Variants in KRT74 observed in about 807,000 individuals in gnomAD.
KRT74 encodes keratin, type II cytoskeletal 74.
In KRT74, 43 loss-of-function variants were observed where a neutral mutation model predicts 42.7. The observed-to-expected ratio is 1.01, with a 90% CI of 0.79 to 1.30. The LOEUF (loss-of-function observed/expected upper bound fraction) is 1.30. Ranked by LOEUF, KRT74 falls within the 50% of genes most tolerant of loss-of-function variation. KRT74 has a pLI of 0.00. For synonymous variants in KRT74, 302 were observed against 279.0 expected (o/e 1.08, Z -0.82); for missense variants, 736 against 689.1 (o/e 1.07, Z -0.76).
chr12:52,571,997 C>A lies in KRT74; in HGVS notation c.694G>T (p.Val232Leu). Residue 232 changes from valine to leucine, a missense_variant, in exon 3 of 9, where the codon GTG (valine) becomes TTG (leucine). Val to Leu is a conservative substitution (Grantham distance 32). Transcript: ENST00000305620. ...GCTGTCGTGCGCCGGTTAATCTCCA[C>A]TTCATATCTGCCAGCAGGGAGAGTA... ...LVEDYKKRYE[V>L]EINRRTTAEN... 1.3e-6 allele frequency: 2 copies of A among 1,598,216 alleles called. No homozygotes were observed. Among genetic ancestry groups the A allele is most frequent in the Non-Finnish European group, 1.7e-6 (2 of 1,165,796 alleles).
rs1445456523 is a variant in KRT74, at chr12:52,568,130, C to T, written c.1355+39G>A. 4 of 1,611,478 alleles carry T rather than the reference C, an allele frequency of 2.5e-6. No individual in the cohort carries two copies. The African/African-American group carries it at 4.0e-5, about 16-fold the overall frequency. On this transcript the variant is annotated intron_variant, in intron 7 of 8. Coordinates refer to ENST00000305620, the MANE Select transcript of KRT74 (RefSeq NM_175053.4). ...CCCCTCAGCCAGACAGGAGCCACAC[C>T]CCAGTCCCTTCTCACACTTTCCCCT...
intron 2 of KRT74, 40 bp downstream of exon 2, chr12:52,572,413 G>A (rs761245590): frequency 2.2e-5 from 35 of 1,606,978 alleles, no homozygotes; most frequent in African/African-American, 2.7e-5. Flanking sequence ...CCAGAGGCAC[G>A]GGAAACATGG....
Position 52,568,306 on chromosome 12 carries a change from C to T in KRT74, c.1218G>A (p.Glu406=). The T allele has an allele frequency of 1.2e-6, 2 of 1,614,262 alleles. No homozygotes were observed. Among genetic ancestry groups the T allele is most frequent in the Non-Finnish European group, 1.7e-6 (2 of 1,180,058 alleles). Reference sequence around the variant, plus strand: ...TGGCCTGGTGCAGGGCGCCCTCCAGCTCATCCAGCTTGGCCTGGGCATCCT... The same window carrying T: ...TGGCCTGGTGCAGGGCGCCCTCCAGTTCATCCAGCTTGGCCTGGGCATCCT... ...ALKDAQAKLD[E]LEGALHQAKE... The change falls in exon 7 of 9, where the codon GAG becomes GAA. Residue 406 remains glutamate (E), a synonymous_variant. Coordinates refer to ENST00000305620, the MANE Select transcript of KRT74 (RefSeq NM_175053.4).
rs1186870100 is a variant in KRT74, at chr12:52,572,607, G to A, written c.532C>T (p.Leu178=). The change falls in exon 2 of 9, where the codon CTG becomes TTG. Residue 178 remains leucine, a synonymous_variant. Coordinates refer to ENST00000305620, the MANE Select transcript of KRT74 (RefSeq NM_175053.4). The part of the protein sequence containing the change: ...LETKWELLQQ[L]DLNNCKKNLE... ...TTCTTCTTGCAGTTGTTCAGGTCCA[G>A]CTGCTGCAGCAGCTCCCACTTGGTT... 1 of 1,613,972 alleles carries A rather than the reference G, an allele frequency of 6.2e-7. No homozygotes were observed. Among genetic ancestry groups the A allele is most frequent in the African/African-American group, 1.3e-5 (1 of 74,946 alleles).
intron 8 of KRT74, 103 bp downstream of exon 8, chr12:52,567,556 T>C (rs769999536): frequency 5.6e-6 from 5 of 897,984 alleles, no homozygotes; most frequent in Non-Finnish European, 9.5e-6. Flanking sequence ...CCCAAGACAG[T>C]AACAGAAGCT....
chr12:52,572,771 T>C, intron 1 of KRT74, 104 bp from the exon 2 acceptor site: 1 of 1,054,336 alleles, frequency 9.5e-7, no homozygotes, highest in Non-Finnish European at 1.4e-6. Flanking sequence ...GTTGTAGTCA[T>C]TTTTGCTCAT....
At position 52,566,892 on chromosome 12, in the gene KRT74, C is replaced by A; in HGVS notation, c.*77G>T. ...AGTTTTAAAACTCAGGGCCTGGGAACTTGGGTGTGGCAGACACCTTTGGGG... is the reference window on the plus strand; with the variant it reads ...AGTTTTAAAACTCAGGGCCTGGGAAATTGGGTGTGGCAGACACCTTTGGGG... On this transcript the variant is annotated 3_prime_UTR_variant, in exon 9 of 9. Coordinates refer to ENST00000305620, the MANE Select transcript of KRT74 (RefSeq NM_175053.4). 2 of 1,279,222 alleles carry A rather than the reference C, an allele frequency of 1.6e-6. No individual in the cohort carries two copies. The highest frequency in any genetic ancestry group is 2.2e-6 in the Non-Finnish European group (2 of 907,764). The allele number at this position is 1,279,222 out of a possible 1,614,324, so 79.2% of individuals were successfully genotyped here. A position where few individuals can be genotyped will look rare whatever the true frequency, so the allele number is the denominator to read the frequency against.
rs945656890 is a variant in KRT74, at chr12:52,573,351, G to A, written c.427C>T (p.Gln143Ter). Residue 143 changes from glutamine (Q) to a stop codon, truncating the protein, a stop_gained, in exon 1 of 9, where the codon CAG (glutamine) becomes TAG (stop). Transcript: ENST00000305620. LOFTEE classifies it high-confidence loss of function. ...AACTTGTCGTTCAGCACCTTGATCT[G>A]TTCCCGCTCCTGGGCGCGCACCTTC... The part of the protein sequence containing the change: ...IQKVRAQERE[Q>*]IKVLNDKFAS... 3.1e-6 allele frequency: 5 copies of A among 1,614,076 alleles called. No individual in the cohort carries two copies. The Admixed American group carries it at 5.0e-5, about 16-fold the overall frequency.
At chr12:52,573,210 T>A in intron 1 of KRT74, 97 bp downstream of exon 1, 1 of 1,240,890 alleles carries the variant, frequency 8.1e-7, no homozygotes, top group Non-Finnish European at 1.2e-6. Flanking sequence ...GAGGCCCAGC[T>A]GCACCTTTCC....
At position 52,572,608 on chromosome 12, in the gene KRT74, C is replaced by T; in HGVS notation, c.531G>A (p.Gln177=). 1 of 1,614,160 alleles carries T rather than the reference C, an allele frequency of 6.2e-7. No individual in the cohort carries two copies. Among genetic ancestry groups the T allele is most frequent in the Non-Finnish European group, 8.5e-7 (1 of 1,179,990 alleles). ...TCTTCTTGCAGTTGTTCAGGTCCAG[C>T]TGCTGCAGCAGCTCCCACTTGGTTT... ...VLETKWELLQ[Q]LDLNNCKKNL... The change falls in exon 2 of 9, where the codon CAG becomes CAA. Residue 177 remains glutamine (Q), a synonymous_variant. Coordinates refer to ENST00000305620, the MANE Select transcript of KRT74 (RefSeq NM_175053.4).
intron 7 of KRT74, among the ~76,000 whole-genome samples, 188 bp downstream of exon 7, chr12:52,567,981 G>A (rs1939408725): frequency 6.6e-6 from 1 of 152,054 alleles, no homozygotes; most frequent in South Asian, 2.1e-4. Flanking sequence ...CATCACAGCA[G>A]CACACGGCCA....
chr12:52,570,612 G>C (rs1259009997), intron 5 of KRT74, 57 bp downstream of exon 5: 2 of 1,579,980 alleles, frequency 1.3e-6, no homozygotes, highest in East Asian at 2.2e-5. Flanking sequence ...CACTGTGCAG[G>C]TGACCCCTCC....
intron 8 of KRT74, 27 bp downstream of exon 8, chr12:52,567,632 C>A (rs1416275486): frequency 6.3e-7 from 1 of 1,587,934 alleles, no homozygotes; most frequent in African/African-American, 1.3e-5. Context: ...GCTTTCCCAA[C>A]CCAAGGCATC....
Position 52,572,803 on chromosome 12 carries a change from C to T in KRT74, c.472-136G>A. ...TCATGTCTTGACTCTCCACCCTTGC[C>T]ATTCCACACAAACTAGATCCTTTAC... On this transcript the variant is annotated intron_variant, in intron 1 of 8. Transcript: ENST00000305620. 5.1e-6 allele frequency: 4 copies of T among 786,360 alleles called. No individual in the cohort carries two copies. In the Admixed American group the frequency reaches 8.0e-5, roughly 16 times the overall value. 48.7% of individuals were successfully genotyped at this position (786,360 alleles called of 1,614,324 possible). A position where few individuals can be genotyped will look rare whatever the true frequency, so the allele number is the denominator to read the frequency against.
rs1343066090 is a variant in KRT74 at position 52,573,342 on chromosome 12, C to T, written c.436G>A (p.Val146Met). The change falls in exon 1 of 9, where the codon GTG (valine) becomes ATG (methionine). Residue 146 changes from valine to methionine, a missense_variant. Physicochemically the swap from Val to Met is conservative, Grantham distance 21 (BLOSUM62 1). Coordinates refer to ENST00000305620, the MANE Select transcript of KRT74 (RefSeq NM_175053.4). ...VRAQEREQIKVLNDKFASFID... is the reference protein window; with the variant it reads ...VRAQEREQIKMLNDKFASFID... ...AAGGAGGCGAACTTGTCGTTCAGCA[C>T]CTTGATCTGTTCCCGCTCCTGGGCG... 3 of 1,614,224 alleles carry T rather than the reference C, an allele frequency of 1.9e-6. No homozygotes were observed. The highest frequency in any genetic ancestry group is 1.7e-5 in the Admixed American group (1 of 60,036).
At chr12:52,567,797 A>G in intron 7 of KRT74, 104 bp from the exon 8 acceptor site, 1 of 861,336 alleles carries the variant, frequency 1.2e-6, no homozygotes, top group Non-Finnish European at 2.0e-6. Context: ...ACTCATCCTT[A>G]TAACAACTTA....
chr12:52,572,374 A>G, intron 2 of KRT74, 79 bp downstream of exon 2: 2 of 1,499,186 alleles, frequency 1.3e-6, no homozygotes, highest in Non-Finnish European at 1.9e-6. Flanking sequence ...CCATCTCCTA[A>G]AAAATAATGG....
At chr12:52,568,460 A>T (rs1939419775) in intron 6 of KRT74, 71 bp from the exon 7 acceptor site, 17 of 1,525,696 alleles carry the variant, frequency 1.1e-5, no homozygotes, top group Admixed American at 3.8e-5. Context: ...TAAGTAGAAC[A>T]ATGCCCTCAT....
At chr12:52,568,654 G>T (rs1042800311) in intron 6 of KRT74, 4 of 550,954 alleles carry the variant, frequency 7.3e-6, no homozygotes, top group South Asian at 6.1e-5. Flanking sequence ...TAGTGCCTGA[G>T]ACCGGAGGCC....
Sources: allele counts gnomAD v4.1 joint callset (sites outside exome capture counted in the v4.1 genomes callset), GRCh38; gene constraint gnomAD v4.1.1; transcripts MANE v1.5; gene names NCBI Gene and HGNC (gene_info 2026-07-23, HGNC 2026-07-21).